Variants in YARS2 observed in about 807,000 individuals in gnomAD.
YARS2 encodes the protein tyrosyl-tRNA synthetase 2.
YARS2 carries 38 observed loss-of-function variants against 45.0 expected under a neutral mutation model. The observed-to-expected ratio is 0.84, with a 90% confidence interval of 0.65 to 1.11. The LOEUF (loss-of-function observed/expected upper bound fraction) is 1.11. Ranked by LOEUF, YARS2 falls within the 50% of genes least tolerant of loss-of-function variation. YARS2 has a pLI of 0.00. For synonymous variants in YARS2, 287 were observed against 245.1 expected, an observed-to-expected ratio of 1.17 and a Z score of -1.60; for missense variants, 602 against 599.8, an observed-to-expected ratio of 1.00 and a Z score of -0.04.
intron 1 of YARS2, 38 bp from the exon 2 acceptor site, chr12:32,754,123 A>T (rs775773643): frequency 6.2e-7 from 1 of 1,613,370 alleles, no homozygotes; most frequent in Non-Finnish European, 8.5e-7. Context: ...TGCCTCAAGC[A>T]CAAGTGGTGG....
chr12:32,751,659 T>C (rs545750655), intron 2 of YARS2, among the ~76,000 whole-genome samples: 45 of 151,936 alleles, frequency 3.0e-4, no homozygotes, highest in African/African-American at 1.1e-3. Context: ...GGAGGGGAGG[T>C]GGTTTCAGAA....
At chr12:32,752,509 C>T (rs539245900) in intron 2 of YARS2, among the ~76,000 whole-genome samples, 14 of 152,198 alleles carry the variant, frequency 9.2e-5, no homozygotes, top group African/African-American at 2.4e-4. Flanking sequence ...AATCCCAGCA[C>T]TTTGGGAGGC....
rs1200569501 is a variant in YARS2, at chr12:32,755,479, C to T, written c.396G>A (p.Leu132=). 1.2e-6 allele frequency: 2 copies of T among 1,612,240 alleles called. No homozygotes were observed. The highest frequency in any genetic ancestry group is 1.7e-6 in the Non-Finnish European group (2 of 1,179,472). The change falls in exon 1 of 5, where the codon CTG becomes CTA. Residue 132 remains leucine (L), a synonymous_variant. Transcript: ENST00000324868. ...CGTTGGCTCGCACGCGCTCTGTCTC[C>T]AGCGCCTCGCGTTCCTTGGTACGGC... ...PSGRTKEREA[L]ETERVRANAR... is the part of the protein sequence containing the mutation.
chr12:32,755,382 A>C lies in YARS2; in HGVS notation c.493T>G (p.Trp165Gly), dbSNP rs763980695. 6.2e-7 allele frequency: 1 copy of C among 1,613,992 alleles called. No individual in the cohort carries two copies. The highest frequency in any genetic ancestry group is 8.5e-7 in the Non-Finnish European group (1 of 1,180,048). Residue 165 changes from tryptophan (W) to glycine (G), a missense_variant, in exon 1 of 5, where the codon TGG (tryptophan) becomes GGG (glycine). By Grantham distance (184) the Trp-to-Gly change is radical. Transcript: ENST00000324868. Reference protein sequence around the residue: ...HQQLFTDGRSWGSFTVLDNSA... With the variant: ...HQQLFTDGRSGGSFTVLDNSA... ...TTGTCCAGCACAGTGAAGCTGCCCC[A>C]GGAGCGCCCATCAGTGAAAAGCTGC...
intron 2 of YARS2, among the ~76,000 whole-genome samples, chr12:32,751,636 C>T (rs772289676): frequency 1.3e-5 from 2 of 152,122 alleles, no homozygotes; most frequent in Non-Finnish European, 2.9e-5. Context: ...TTTTTGGCAC[C>T]ACGAGGCGGC....
intron 4 of YARS2, among the ~76,000 whole-genome samples, chr12:32,749,130 A>C (rs1001511996): frequency 1.3e-5 from 2 of 152,242 alleles, no homozygotes; most frequent in African/African-American, 4.8e-5. Flanking sequence ...TTAGTGCAAA[A>C]GTACTTGCGG....
Position 32,750,714 on chromosome 12 carries a change from A to G in YARS2, c.1103+5T>C, listed in dbSNP as rs1955727584. ...TATCAAGTGTTAATCATACTAAACT[A>G]CTACCTTTTAGCAGAATCCAATCCT... On this transcript the variant is annotated splice_donor_5th_base_variant and intron_variant, in intron 3 of 4. Coordinates refer to ENST00000324868, the MANE Select transcript of YARS2 (RefSeq NM_001040436.3). 1.2e-6 allele frequency: 2 copies of G among 1,613,602 alleles called. No homozygotes were observed. Among genetic ancestry groups the G allele is most frequent in the South Asian group, 1.1e-5 (1 of 91,092 alleles).
At position 32,755,869 on chromosome 12, in the gene YARS2, C is replaced by G. The variant is rs773588917; in HGVS notation, c.6G>C (p.Ala2=). 1.9e-6 allele frequency: 3 copies of G among 1,612,970 alleles called. No homozygotes were observed. The highest frequency in any genetic ancestry group is 2.7e-5 in the African/African-American group (2 of 74,932). Residue 2 remains alanine, a synonymous_variant, in exon 1 of 5, where the codon GCG becomes GCC. Transcript: ENST00000324868. ...AGGAAAAGGACCGCAAGATGGGCGC[C>G]GCCATCTTGGTAGCGGCACGAAGGG... M[A]APILRSFSWG... is the part of the protein sequence containing the mutation.
chr12:32,751,758 T>C (rs1032475695), intron 2 of YARS2, among the ~76,000 whole-genome samples: 9 of 152,158 alleles, frequency 5.9e-5, no homozygotes, highest in African/African-American at 1.9e-4. Flanking sequence ...CAGTTCACAA[T>C]AGGGTTTGTG....
chr12:32,750,068 C>T lies in YARS2; in HGVS notation c.1143G>A (p.Leu381=). The change falls in exon 4 of 5, where the codon CTG becomes CTA. Residue 381 remains leucine (L), a synonymous_variant. Coordinates refer to ENST00000324868, the MANE Select transcript of YARS2 (RefSeq NM_001040436.3). ...TTAACTCCTGATCAGACATGACCTC[C>T]AGTGCATCTATGCTACTGTGATAAA... ...QALYHSSIDA[L]EVMSDQELKE... is the part of the protein sequence containing the mutation. 1 of 1,614,160 alleles carries T rather than the reference C, an allele frequency of 6.2e-7. No homozygotes were observed. The highest frequency in any genetic ancestry group is 8.5e-7 in the Non-Finnish European group (1 of 1,180,040).
intron 1 of YARS2, 132 bp from the exon 2 acceptor site, chr12:32,754,217 G>A: frequency 2.9e-6 from 3 of 1,022,468 alleles, no homozygotes; most frequent in Non-Finnish European, 1.5e-6. Flanking sequence ...CTGAATTCTT[G>A]TTCCTCTTAT....
chr12:32,754,685 C>T (rs1955811265), intron 1 of YARS2, among the ~76,000 whole-genome samples: 1 of 150,592 alleles, frequency 6.6e-6, no homozygotes, highest in African/African-American at 2.4e-5. Context: ...ACAGACCGAC[C>T]AAATCTTCAC....
rs777330308 is a variant in YARS2 at position 32,747,365 on chromosome 12, T to TA, written c.1275-3dup. On this transcript the variant is annotated splice_polypyrimidine_tract_variant and splice_region_variant and intron_variant, in intron 4 of 4. Coordinates refer to ENST00000324868, the MANE Select transcript of YARS2 (RefSeq NM_001040436.3). ...CCGCCTTCTGTTATCATTCGATACC[T>TA]AAAAAATAGAAACGTTTAGTAAGTA... is the stretch of plus-strand genomic sequence containing the variant. 3 of 1,612,558 alleles carry TA rather than the reference T, an allele frequency of 1.9e-6. No individual in the cohort carries two copies. Among genetic ancestry groups the TA allele is most frequent in the African/African-American group, 1.4e-5 (1 of 74,020 alleles).
chr12:32,751,613 G>A (rs1032529377), intron 2 of YARS2, among the ~76,000 whole-genome samples: 4 of 152,086 alleles, frequency 2.6e-5, no homozygotes, highest in African/African-American at 4.8e-5. Context: ...ACATATATCC[G>A]CGGTCCCCAA....
rs538721532 is a variant in YARS2 at position 32,746,902 on chromosome 12, G to A, written c.*302C>T. 4.5e-4 allele frequency: 145 copies of A among 325,288 alleles called. No individual in the cohort carries two copies. The highest frequency in any genetic ancestry group is 3.0e-3 in the African/African-American group (136 of 45,706). 20.2% of individuals were successfully genotyped at this position (325,288 alleles called of 1,614,324 possible). On this transcript the variant is annotated 3_prime_UTR_variant, in exon 5 of 5. Coordinates refer to ENST00000324868, the MANE Select transcript of YARS2 (RefSeq NM_001040436.3). The stretch of plus-strand genomic sequence containing the variant: ...TCACTACAAAAAGGAGAGCAGGAAG[G>A]GTAAGATAGGAAAGCAGCATTTCTT...
chr12:32,751,828 C>T (rs1955750907), intron 2 of YARS2, among the ~76,000 whole-genome samples: 3 of 152,200 alleles, frequency 2.0e-5, no homozygotes, highest in Non-Finnish European at 1.5e-5. Context: ...AGGTGTAATG[C>T]TCGCTCGCCT....
At chr12:32,751,997 A>G (rs1301300626) in intron 2 of YARS2, among the ~76,000 whole-genome samples, 1 of 152,208 alleles carries the variant, frequency 6.6e-6, no homozygotes, top group African/African-American at 2.4e-5. Flanking sequence ...TTCAGTATTT[A>G]GTACAGTAAT....
rs1345637331 is a variant in YARS2, at chr12:32,747,184, A to G, written c.*20T>C. Reference sequence around the variant, plus strand: ...ATGAATGATGGGTAAGTTTATTTGGACAACCAGAAGGACTTTTCATCACAA... The same window carrying G: ...ATGAATGATGGGTAAGTTTATTTGGGCAACCAGAAGGACTTTTCATCACAA... On this transcript the variant is annotated 3_prime_UTR_variant, in exon 5 of 5. Coordinates refer to ENST00000324868, the MANE Select transcript of YARS2 (RefSeq NM_001040436.3). The G allele has an allele frequency of 6.2e-7, 1 of 1,611,446 alleles. No homozygotes were observed. Among genetic ancestry groups the G allele is most frequent in the African/African-American group, 1.3e-5 (1 of 74,966 alleles).
intron 4 of YARS2, among the ~76,000 whole-genome samples, chr12:32,747,799 G>A (rs1955671598): frequency 6.6e-6 from 1 of 152,150 alleles, no homozygotes; most frequent in South Asian, 2.1e-4. Flanking sequence ...GCCTCCCAAA[G>A]TGCTGGGATT....
Sources: gnomAD v4.1 joint callset for allele counts (sites outside exome capture counted in the v4.1 genomes callset) on GRCh38, gnomAD v4.1.1 for gene constraint, MANE v1.5 for transcripts, NCBI Gene and HGNC (gene_info 2026-07-23, HGNC 2026-07-21) for gene names.